The following WTIP variants were observed in gnomAD, a reference collection of about 807,000 sequenced individuals.
WTIP encodes the protein Wilms tumor protein 1-interacting protein.
In WTIP, 23 loss-of-function variants were observed where a neutral mutation model predicts 41.7. The ratio of observed to expected loss-of-function variants is 0.55; its 90% confidence interval spans 0.40 to 0.78. The LOEUF (loss-of-function observed/expected upper bound fraction) is 0.78. WTIP is among the 30% of genes least tolerant of loss of function. The probability of loss-of-function intolerance (pLI) is 0.00; values close to 1 mark genes in which losing one functional copy is unlikely to be tolerated. For synonymous variants in WTIP, 314 were observed against 269.9 expected, an observed-to-expected ratio of 1.16 and a Z score of -1.60; for missense variants, 619 against 610.5, an observed-to-expected ratio of 1.01 and a Z score of -0.15.
Position 34,501,250 on chromosome 19 carries a change from G to T in WTIP, c.*981G>T. On this transcript the variant is annotated 3_prime_UTR_variant, in exon 8 of 8. Coordinates refer to ENST00000590071, the MANE Select transcript of WTIP (RefSeq NM_001080436.2). ...GTCTAGTTTGTCTGTTACGGAGCTGGTTTTCAGGTGGTAAGAACCTTGTGG... is the reference window on the plus strand; with the variant it reads ...GTCTAGTTTGTCTGTTACGGAGCTGTTTTTCAGGTGGTAAGAACCTTGTGG... 1 of 152,760 alleles carries T rather than the reference G, an allele frequency of 6.5e-6. No homozygotes were observed. 9.5% of individuals were successfully genotyped at this position (152,760 alleles called of 1,614,324 possible).
chr19:34,495,802 T>C, intron 7 of WTIP, 31 bp downstream of exon 7: 1 of 1,609,396 alleles, frequency 6.2e-7, no homozygotes, highest in South Asian at 1.1e-5. Flanking sequence ...GGCTGGCAGC[T>C]GGGGCAGGCC....
In WTIP at chr19:34,510,132, G is replaced by A. The variant is rs2075927832; in HGVS notation, c.*9863G>A. 6.6e-6 allele frequency: 1 copy of A among 152,196 alleles called. No individual in the cohort carries two copies. The highest frequency in any genetic ancestry group is 1.5e-5 in the Non-Finnish European group (1 of 68,034). The allele number at this position is 152,196 out of a possible 1,614,324, so 9.4% of individuals were successfully genotyped here. ...CTCTACTAGGCAGTACCCCAGTAGGGATACTGTGTTTGGGCTCTGACCCCA... is the reference window on the plus strand; with the variant it reads ...CTCTACTAGGCAGTACCCCAGTAGGAATACTGTGTTTGGGCTCTGACCCCA... On this transcript the variant is annotated 3_prime_UTR_variant, in exon 8 of 8. Transcript: ENST00000590071.
chr19:34,493,120 G>T lies in WTIP; in HGVS notation c.837+16G>T, dbSNP rs1253477896. 11 of 1,613,840 alleles carry T rather than the reference G, an allele frequency of 6.8e-6. No individual in the cohort carries two copies. Among genetic ancestry groups the T allele is most frequent in the Non-Finnish European group, 9.3e-6 (11 of 1,179,872 alleles). ...GGACTTCCTGGTGAGTCCAAGCTGT[G>T]CCCTGGCAGTGCCAGGGGTGGGAGG... On this transcript the variant is annotated intron_variant, in intron 3 of 7. Coordinates refer to ENST00000590071, the MANE Select transcript of WTIP (RefSeq NM_001080436.2). This position sits in a 1 kb window ranked among gnomAD's most constrained non-coding sequence, Gnocchi z 4.1.
rs1769749972 is a variant in WTIP, at chr19:34,511,906, ATACT to A, written c.*11639_*11642del. ...TTATTTCAAATTATGAAAGAAAAAA[ATACT>A]TGCTAGAATTCTGATTTGAAGTGCT... is the stretch of plus-strand genomic sequence containing the variant. On this transcript the variant is annotated 3_prime_UTR_variant, in exon 8 of 8. Coordinates refer to ENST00000590071, the MANE Select transcript of WTIP (RefSeq NM_001080436.2). 1 of 152,214 alleles carries A rather than the reference ATACT, an allele frequency of 6.6e-6. No individual in the cohort carries two copies. The highest frequency in any genetic ancestry group is 2.4e-5 in the African/African-American group (1 of 41,456). 9.4% of individuals were successfully genotyped at this position (152,214 alleles called of 1,614,324 possible). A position where few individuals can be genotyped will look rare whatever the true frequency, so the allele number is the denominator to read the frequency against.
At chr19:34,483,950 C>T (rs147177459) in intron 1 of WTIP, among the ~76,000 whole-genome samples, 1,418 of 101,222 alleles carry the variant, frequency 0.014, 36 homozygotes, top group African/African-American at 0.051. Flanking sequence ...TTTTTTGAGA[C>T]GGAATCTCGC....
intron 1 of WTIP, 180 bp downstream of exon 1, chr19:34,482,821 A>G: frequency 1.0e-6 from 1 of 978,200 alleles, no homozygotes. Context: ...GCAAAGGGTG[A>G]GTGAGTGCGC....
At position 34,493,699 on chromosome 19, in the gene WTIP, TGG is replaced by T; in HGVS notation, c.1031+78_1031+79del. On this transcript the variant is annotated intron_variant, in intron 5 of 7. Coordinates refer to ENST00000590071, the MANE Select transcript of WTIP (RefSeq NM_001080436.2). This position sits in a 1 kb window ranked among gnomAD's most constrained non-coding sequence, Gnocchi z 4.1. ...TCCTCTGGAAGCATTTTTTTCCTGC[TGG>T]ACTGACTGCCCTTTGTTCTTGGCCT... 1 of 1,587,506 alleles carries T rather than the reference TGG, an allele frequency of 6.3e-7. No individual in the cohort carries two copies.
In WTIP at chr19:34,501,609, C is replaced by A. The variant is rs1412623854; in HGVS notation, c.*1340C>A. The A allele has an allele frequency of 2.0e-5, 3 of 152,518 alleles. No homozygotes were observed. The highest frequency in any genetic ancestry group is 1.9e-4 in the East Asian group (1 of 5,190). 9.4% of individuals were successfully genotyped at this position (152,518 alleles called of 1,614,324 possible). Reference sequence around the variant, plus strand: ...AGGTGTGAGTTCTGTGAATCACTCGCGGGGCTGGGCTAGGCTCCGGGAACC... The same window carrying A: ...AGGTGTGAGTTCTGTGAATCACTCGAGGGGCTGGGCTAGGCTCCGGGAACC... On this transcript the variant is annotated 3_prime_UTR_variant, in exon 8 of 8. Coordinates refer to ENST00000590071, the MANE Select transcript of WTIP (RefSeq NM_001080436.2).
Position 34,495,729 on chromosome 19 carries a change from G to A in WTIP, c.1110G>A (p.Val370=). The A allele has an allele frequency of 6.2e-7, 1 of 1,614,008 alleles. No individual in the cohort carries two copies. Among genetic ancestry groups the A allele is most frequent in the Admixed American group, 1.7e-5 (1 of 60,028 alleles). Residue 370 remains valine (V), a synonymous_variant, in exon 7 of 8, where the codon GTG becomes GTA. Coordinates refer to ENST00000590071, the MANE Select transcript of WTIP (RefSeq NM_001080436.2). ...AQGCETTIRV[V]SMDRDYHVAC... is the part of the protein sequence containing the mutation. ...GCTGCGAGACAACCATCCGTGTGGT[G>A]TCCATGGACAGAGACTACCACGTGG...
chr19:34,499,658 C>T (rs988956760), intron 7 of WTIP, among the ~76,000 whole-genome samples: 42 of 152,074 alleles, frequency 2.8e-4, no homozygotes, highest in Non-Finnish European at 4.9e-4. Flanking sequence ...GTCTCCAGTG[C>T]TCCACGCCGG....
In WTIP at chr19:34,507,299, T is replaced by A. The variant is rs529621843; in HGVS notation, c.*7030T>A. On this transcript the variant is annotated 3_prime_UTR_variant, in exon 8 of 8. Transcript: ENST00000590071. ...TATTATTAGATAGCAGTGTCACTAA[T>A]AAGTTTTAAGTTGTCCAGAGTTAAT... is the stretch of plus-strand genomic sequence containing the variant. 6.6e-6 allele frequency: 1 copy of A among 151,738 alleles called. No individual in the cohort carries two copies. Among genetic ancestry groups the A allele is most frequent in the South Asian group, 2.1e-4 (1 of 4,810 alleles). The allele number at this position is 151,738 out of a possible 1,614,324, so 9.4% of individuals were successfully genotyped here.
chr19:34,486,266 C>A (rs2075796701), intron 1 of WTIP, among the ~76,000 whole-genome samples: 1 of 152,060 alleles, frequency 6.6e-6, no homozygotes, highest in Admixed American at 6.6e-5. Flanking sequence ...CTATACCAGG[C>A]TGGGAAGGGC....
In WTIP at chr19:34,500,173, T is replaced by C. The variant is rs775451380; in HGVS notation, c.1197T>C (p.Tyr399=). Residue 399 remains tyrosine, a synonymous_variant, in exon 8 of 8, where the codon TAT becomes TAC. Coordinates refer to ENST00000590071, the MANE Select transcript of WTIP (RefSeq NM_001080436.2). ...GCGGGGAGGAGGGACGCCGTTGCTA[T>C]CCCCTGGCGGGCCACCTACTGTGTC... ...QLSGEEGRRC[Y]PLAGHLLCRR... The C allele has an allele frequency of 1.7e-5, 27 of 1,602,664 alleles. No homozygotes were observed. Among genetic ancestry groups the C allele is most frequent in the African/African-American group, 4.0e-5 (3 of 74,888 alleles).
intron 1 of WTIP, among the ~76,000 whole-genome samples, chr19:34,489,025 C>T (rs1011285703): frequency 1.7e-4 from 26 of 151,680 alleles, no homozygotes; most frequent in Non-Finnish European, 2.9e-5. Flanking sequence ...TGGTGAAACC[C>T]TATCTCTACT....
Position 34,505,597 on chromosome 19 carries a change from C to T in WTIP, c.*5328C>T, listed in dbSNP as rs931321334. Reference sequence around the variant, plus strand: ...TGTCCTACACCCAGCGCACACTCCTCTCCACGCTGCGCACGTGAACCCGCC... The same window carrying T: ...TGTCCTACACCCAGCGCACACTCCTTTCCACGCTGCGCACGTGAACCCGCC... On this transcript the variant is annotated 3_prime_UTR_variant, in exon 8 of 8. Transcript: ENST00000590071. 4.6e-5 allele frequency: 7 copies of T among 152,504 alleles called. No individual in the cohort carries two copies. Among genetic ancestry groups the T allele is most frequent in the East Asian group, 3.8e-4 (2 of 5,198 alleles). 9.4% of individuals were successfully genotyped at this position (152,504 alleles called of 1,614,324 possible).
At position 34,503,020 on chromosome 19, in the gene WTIP, A is replaced by G. The variant is rs1479555920; in HGVS notation, c.*2751A>G. The G allele has an allele frequency of 6.6e-6, 1 of 152,144 alleles. No homozygotes were observed. The highest frequency in any genetic ancestry group is 1.5e-5 in the Non-Finnish European group (1 of 68,118). 9.4% of individuals were successfully genotyped at this position (152,144 alleles called of 1,614,324 possible). ...CATGGTGGGCCCTGTGCTTATATCCATGGGGTTGCTTCACTGAACCCTGCT... is the reference window on the plus strand; with the variant it reads ...CATGGTGGGCCCTGTGCTTATATCCGTGGGGTTGCTTCACTGAACCCTGCT... On this transcript the variant is annotated 3_prime_UTR_variant, in exon 8 of 8. Coordinates refer to ENST00000590071, the MANE Select transcript of WTIP (RefSeq NM_001080436.2).
At chr19:34,485,059 A>G (rs1423065612) in intron 1 of WTIP, among the ~76,000 whole-genome samples, 3 of 151,944 alleles carry the variant, frequency 2.0e-5, no homozygotes, top group African/African-American at 7.3e-5. Context: ...AGATTCAGTA[A>G]TACTTTCCTG....
intron 1 of WTIP, among the ~76,000 whole-genome samples, chr19:34,488,821 T>A (rs1161279449): frequency 2.0e-5 from 3 of 150,628 alleles, no homozygotes; most frequent in Non-Finnish European, 4.4e-5. Context: ...GAGGATTGCT[T>A]GAGCCCAGGA....
chr19:34,491,762 A>G (rs1464875526), intron 2 of WTIP, among the ~76,000 whole-genome samples: 1 of 152,060 alleles, frequency 6.6e-6, no homozygotes, highest in Non-Finnish European at 1.5e-5. Flanking sequence ...CGCCTGCCTC[A>G]GCCTCCCGAG....
Sources: allele counts gnomAD v4.1 joint callset (sites outside exome capture counted in the v4.1 genomes callset), GRCh38; gene constraint gnomAD v4.1.1; non-coding constraint Gnocchi (gnomAD v3.1); transcripts MANE v1.5; gene names NCBI Gene and HGNC (gene_info 2026-07-23, HGNC 2026-07-21).